The following FURIN variants were observed in gnomAD, a reference collection of about 807,000 sequenced individuals.
FURIN encodes the protein FES upstream region.
A neutral mutation model predicts 89.2 loss-of-function variants in FURIN; 18 were observed. That is an observed-to-expected ratio of 0.20 (90% CI 0.14 to 0.30). The LOEUF (loss-of-function observed/expected upper bound fraction) is 0.30. Ranked by LOEUF, FURIN falls within the 10% of genes least tolerant of loss-of-function variation. FURIN has a pLI of 1.00. For missense variants in FURIN, 879 were observed against 1,100.5 expected (o/e 0.80, Z 2.85); for synonymous variants, 508 against 466.4 (o/e 1.09, Z -1.15).
At chr15:90,872,484 G>A (rs775804979) in intron 1 of FURIN, among the ~76,000 whole-genome samples, 28 of 152,296 alleles carry the variant, frequency 1.8e-4, no homozygotes, top group African/African-American at 6.7e-4. Flanking sequence ...GAGGGCGGGT[G>A]CTGAGCAGGT....
In FURIN at chr15:90,882,904, G is replaced by A. The variant is rs1276994306; in HGVS notation, c.*1026G>A. 2 of 152,572 alleles carry A rather than the reference G, an allele frequency of 1.3e-5. No homozygotes were observed. Among genetic ancestry groups the A allele is most frequent in the African/African-American group, 4.8e-5 (2 of 41,448 alleles). 9.5% of individuals were successfully genotyped at this position (152,572 alleles called of 1,614,324 possible). On this transcript the variant is annotated 3_prime_UTR_variant, in exon 16 of 16. Transcript: ENST00000268171. ...CCCTGAGGTGTGGGGGCTGCAGCAT[G>A]TTGCTGAGGAGTGAGGAATAGTTGA...
At chr15:90,870,722 G>C (rs995465103) in intron 1 of FURIN, among the ~76,000 whole-genome samples, 2 of 152,180 alleles carry the variant, frequency 1.3e-5, no homozygotes, top group African/African-American at 4.8e-5. Context: ...CTGGTATATT[G>C]CAAGTAGCTT....
chr15:90,876,647 G>A lies in FURIN; in HGVS notation c.372+90G>A. On this transcript the variant is annotated intron_variant, in intron 4 of 15. Coordinates refer to ENST00000268171, the MANE Select transcript of FURIN (RefSeq NM_002569.4). The surrounding 1 kb of genome is among the most constrained non-coding windows in gnomAD (Gnocchi z 5.0). ...TTGGATGGAGGAGGCTGTCTTCGAG[G>A]CCTCCTCTGATTCGTTTCCTTTCCT... 1 of 923,848 alleles carries A rather than the reference G, an allele frequency of 1.1e-6. No homozygotes were observed. Among genetic ancestry groups the A allele is most frequent in the Non-Finnish European group, 1.8e-6 (1 of 569,068 alleles). 57.2% of individuals were successfully genotyped at this position (923,848 alleles called of 1,614,324 possible).
Position 90,875,833 on chromosome 15 carries a change from C to T in FURIN, c.93C>T (p.Thr31=). Residue 31 remains threonine, a synonymous_variant, in exon 2 of 16, where the codon ACC becomes ACT. Coordinates refer to ENST00000268171, the MANE Select transcript of FURIN (RefSeq NM_002569.4). ...ATGCTCAGGGCCAGAAGGTCTTCAC[C>T]AACACGTGGGCTGTGCGCATCCCTG... ...AADAQGQKVF[T]NTWAVRIPGG... is the part of the protein sequence containing the mutation. 6.4e-7 allele frequency: 1 copy of T among 1,574,186 alleles called. No homozygotes were observed. The highest frequency in any genetic ancestry group is 8.6e-7 in the Non-Finnish European group (1 of 1,159,716).
rs1331654414 is a variant in FURIN at position 90,882,236 on chromosome 15, C to G, written c.*358C>G. On this transcript the variant is annotated 3_prime_UTR_variant, in exon 16 of 16. Transcript: ENST00000268171. ...GGCCGCAGCTCTTGCCCTTCCCTGT[C>G]CCTCTAAAGCAATAATGGTCCCATC... is the stretch of plus-strand genomic sequence containing the variant. 3.6e-6 allele frequency: 1 copy of G among 275,780 alleles called. No individual in the cohort carries two copies. Among genetic ancestry groups the G allele is most frequent in the East Asian group, 1.1e-4 (1 of 8,890 alleles). 17.1% of individuals were successfully genotyped at this position (275,780 alleles called of 1,614,324 possible).
Position 90,881,855 on chromosome 15 carries a change from A to G in FURIN, c.2362A>G (p.Ile788Val), listed in dbSNP as rs749768965. 1.9e-6 allele frequency: 3 copies of G among 1,612,462 alleles called. No homozygotes were observed. Among genetic ancestry groups the G allele is most frequent in the Non-Finnish European group, 2.5e-6 (3 of 1,179,788 alleles). Residue 788 changes from isoleucine (I) to valine (V), a missense_variant, in exon 16 of 16, where the codon ATC becomes GTC. Around this residue, in one of 5 missense-constraint regions of FURIN, gnomAD observed 457 missense variants for 490.7 expected, o/e 0.93. Coordinates refer to ENST00000268171, the MANE Select transcript of FURIN (RefSeq NM_002569.4). The surrounding 1 kb of genome is among the most constrained non-coding windows in gnomAD (Gnocchi z 4.3). ...DEGRGERTAF[I>V]KDQSAL ...GGGCCGGGGCGAGAGGACCGCCTTT[A>G]TCAAAGACCAGAGCGCCCTCTGATG...
intron 1 of FURIN, among the ~76,000 whole-genome samples, chr15:90,872,442 G>A (rs1283643408): frequency 6.6e-6 from 1 of 152,156 alleles, no homozygotes; most frequent in African/African-American, 2.4e-5. Flanking sequence ...GACTTGGGAA[G>A]TGCGAGGAGA....
chr15:90,873,605 C>T (rs180956194), intron 1 of FURIN, among the ~76,000 whole-genome samples: 11 of 151,862 alleles, frequency 7.2e-5, no homozygotes, highest in Admixed American at 2.6e-4. Flanking sequence ...CCCAGGGTCC[C>T]ACATCCTCTG....
chr15:90,879,397 G>GC, intron 9 of FURIN, 47 bp from the exon 10 acceptor site: 2 of 1,366,326 alleles, frequency 1.5e-6, no homozygotes, highest in Non-Finnish European at 1.0e-6. Context: ...GGCTCCTCTA[G>GC]CCCCCTCCAC....
rs1358826809 is a variant in FURIN at position 90,875,896 on chromosome 15, T to G, written c.156T>G (p.His52Gln). 3 of 1,589,332 alleles carry G rather than the reference T, an allele frequency of 1.9e-6. No homozygotes were observed. In the Admixed American group the frequency reaches 5.4e-5, roughly 29 times the overall value. ...TGGCCAACAGTGTGGCACGGAAGCA[T>G]GGGTTCCTCAACCTGGGCCAGGTAG... is the stretch of plus-strand genomic sequence containing the variant. ...PAVANSVARK[H>Q]GFLNLGQIFG... Residue 52 changes from histidine to glutamine, a missense_variant, in exon 2 of 16, where the codon CAT (histidine) becomes CAG (glutamine). This residue lies in a region of FURIN where 125 missense variants were observed against 125.0 expected (regional missense o/e 1.00). Transcript: ENST00000268171.
Position 90,878,720 on chromosome 15 carries a change from C to T in FURIN, c.841-44C>T, listed in dbSNP as rs998703761. ...AGCAGTGTCCTCCTGCCAGCCCTCCCTCAAGTCCCAATCTTGAATGACCCC... is the reference window on the plus strand; with the variant it reads ...AGCAGTGTCCTCCTGCCAGCCCTCCTTCAAGTCCCAATCTTGAATGACCCC... On this transcript the variant is annotated intron_variant, in intron 8 of 15. Coordinates refer to ENST00000268171, the MANE Select transcript of FURIN (RefSeq NM_002569.4). 5 of 1,227,972 alleles carry T rather than the reference C, an allele frequency of 4.1e-6. No homozygotes were observed. In the African/African-American group the frequency reaches 4.4e-5, roughly 11 times the overall value. The allele number at this position is 1,227,972 out of a possible 1,614,324, so 76.1% of individuals were successfully genotyped here. A position where few individuals can be genotyped will look rare whatever the true frequency, so the allele number is the denominator to read the frequency against.
At chr15:90,878,436 G>T in intron 8 of FURIN, 132 bp downstream of exon 8, 2 of 827,524 alleles carry the variant, frequency 2.4e-6, no homozygotes, top group Non-Finnish European at 3.7e-6. Context: ...GAAACATTAA[G>T]GGACAGAAGA....
chr15:90,869,224 G>GC (rs2031174686), intron 1 of FURIN, among the ~76,000 whole-genome samples: 1 of 152,134 alleles, frequency 6.6e-6, no homozygotes, highest in African/African-American at 2.4e-5. Flanking sequence ...TCTGTCACAT[G>GC]CCCAAGTCCT....
rs1005191849 is a variant in FURIN, at chr15:90,878,809, G to A, written c.886G>A (p.Gly296Arg). The change falls in exon 9 of 16, where the codon GGG (glycine) becomes AGG (arginine). Residue 296 changes from glycine (G) to arginine (R), a missense_variant. Gly to Arg is a moderately radical substitution (Grantham distance 125, BLOSUM62 -2). Around this residue, in one of 5 missense-constraint regions of FURIN, gnomAD observed 156 missense variants for 243.7 expected, o/e 0.64. Coordinates refer to ENST00000268171, the MANE Select transcript of FURIN (RefSeq NM_002569.4). ...GSIFVWASGN[G>R]GREHDSCNCD... ...CATCTTTGTCTGGGCCTCGGGGAAC[G>A]GGGGCCGGGAACATGACAGCTGCAA... 1 of 1,611,286 alleles carries A rather than the reference G, an allele frequency of 6.2e-7. No individual in the cohort carries two copies.
At position 90,881,018 on chromosome 15, in the gene FURIN, C is replaced by T. The variant is rs1410554312; in HGVS notation, c.1770C>T (p.Leu590=). ...CAGAAAGCAGTGGCTGCAAGACCCT[C>T]ACGTCCAGTCAGGCCTGTGTGGGTC... The part of the protein sequence containing the change: ...VPPESSGCKT[L]TSSQACVVCE... Residue 590 remains leucine, a synonymous_variant, in exon 15 of 16, where the codon CTC becomes CTT. Coordinates refer to ENST00000268171, the MANE Select transcript of FURIN (RefSeq NM_002569.4). This position sits in a 1 kb window ranked among gnomAD's most constrained non-coding sequence, Gnocchi z 4.3. 6.2e-7 allele frequency: 1 copy of T among 1,613,482 alleles called. No individual in the cohort carries two copies. Among genetic ancestry groups the T allele is most frequent in the South Asian group, 1.1e-5 (1 of 91,064 alleles).
intron 9 of FURIN, 66 bp from the exon 10 acceptor site, chr15:90,879,378 T>C: frequency 8.7e-7 from 1 of 1,145,816 alleles, no homozygotes; most frequent in South Asian, 1.2e-5. Flanking sequence ...AGAGGGAGGG[T>C]AGGCAGGTGG....
chr15:90,881,472 T>C lies in FURIN; in HGVS notation c.1979T>C (p.Leu660Pro). 6.2e-7 allele frequency: 1 copy of C among 1,611,896 alleles called. No individual in the cohort carries two copies. Among genetic ancestry groups the C allele is most frequent in the Non-Finnish European group, 8.5e-7 (1 of 1,179,768 alleles). ...TCQGPALTDC[L>P]SCPSHASLDP... is the part of the protein sequence containing the mutation. ...CAGGGGCCGGCCCTGACAGACTGCC[T>C]CAGCTGCCCCAGCCACGCCTCCTTG... Residue 660 changes from leucine (L) to proline (P), a missense_variant, in exon 16 of 16, where the codon CTC becomes CCC. Transcript: ENST00000268171. This position sits in a 1 kb window ranked among gnomAD's most constrained non-coding sequence, Gnocchi z 4.3.
At chr15:90,880,066 CT>C in intron 12 of FURIN, 27 bp from the exon 13 acceptor site, 2 of 1,603,252 alleles carry the variant, frequency 1.2e-6, no homozygotes, top group Non-Finnish European at 1.7e-6. Flanking sequence ...CTGGGCCAGG[CT>C]GACCATCATG....
chr15:90,881,220 T>C lies in FURIN; in HGVS notation c.1793-66T>C. The C allele has an allele frequency of 7.5e-7, 1 of 1,335,780 alleles. No individual in the cohort carries two copies. The highest frequency in any genetic ancestry group is 1.0e-6 in the Non-Finnish European group (1 of 954,978). 82.7% of individuals were successfully genotyped at this position (1,335,780 alleles called of 1,614,324 possible). On this transcript the variant is annotated intron_variant, in intron 15 of 15. Coordinates refer to ENST00000268171, the MANE Select transcript of FURIN (RefSeq NM_002569.4). The surrounding 1 kb of genome is among the most constrained non-coding windows in gnomAD (Gnocchi z 4.3). ...GGGATGTGGTGACTTGGCTTGGGGCTGCTGTGGTCCTGGGGCTACAGTCTG... is the reference window on the plus strand; with the variant it reads ...GGGATGTGGTGACTTGGCTTGGGGCCGCTGTGGTCCTGGGGCTACAGTCTG...
Sources: allele counts gnomAD v4.1 joint callset (sites outside exome capture counted in the v4.1 genomes callset), GRCh38; gene constraint gnomAD v4.1.1; regional missense constraint gnomAD v4.1.1; non-coding constraint Gnocchi (gnomAD v3.1); transcripts MANE v1.5; gene names NCBI Gene and HGNC (gene_info 2026-07-23, HGNC 2026-07-21).